CNOT4: variants seen among roughly 807,000 people sequenced by gnomAD.
The protein encoded by CNOT4 is CCR4-NOT transcription complex subunit 4.
In CNOT4, 8 loss-of-function variants were observed where a neutral mutation model predicts 73.8. That is an observed-to-expected ratio of 0.11 (90% CI 0.06 to 0.20). CNOT4 has a LOEUF of 0.20. Among genes scored for constraint, CNOT4 ranks in the 10% least tolerant of loss-of-function variants. CNOT4 has a pLI of 1.00. For synonymous variants in CNOT4, 293 were observed against 321.1 expected (o/e 0.91, Z 0.94); for missense variants, 564 against 883.4 (o/e 0.64, Z 4.58).
chr7:135,439,539 A>G (rs1303258992), intron 1 of CNOT4, among the ~76,000 whole-genome samples: 1 of 152,218 alleles, frequency 6.6e-6, no homozygotes, highest in Non-Finnish European at 1.5e-5. Context: ...CCAAGGCAGG[A>G]GGACTGCTTG....
At chr7:135,434,735 C>T (rs1251477900) in intron 2 of CNOT4, among the ~76,000 whole-genome samples, 1 of 152,214 alleles carries the variant, frequency 6.6e-6, no homozygotes, top group African/African-American at 2.4e-5. Flanking sequence ...CACCTGTCTA[C>T]TCAATATCTC....
At chr7:135,434,099 C>T (rs539710569) in intron 2 of CNOT4, among the ~76,000 whole-genome samples, 16 of 152,308 alleles carry the variant, frequency 1.1e-4, no homozygotes, top group African/African-American at 3.6e-4. Flanking sequence ...TTCAGATCAT[C>T]TCAATATGCC....
chr7:135,505,402 A>G (rs536417752), intron 1 of CNOT4, among the ~76,000 whole-genome samples: 3 of 152,226 alleles, frequency 2.0e-5, no homozygotes, highest in Non-Finnish European at 4.4e-5. Context: ...AAATACAAAA[A>G]TTAGCTGAGT....
chr7:135,388,470 T>A (rs1796234420), intron 10 of CNOT4: 1 of 992,448 alleles, frequency 1.0e-6, no homozygotes, highest in Admixed American at 5.9e-5. Flanking sequence ...TTTGTATAAT[T>A]TTTCAATAAT....
At chr7:135,461,364 A>G (rs1163991113) in intron 1 of CNOT4, among the ~76,000 whole-genome samples, 1 of 152,118 alleles carries the variant, frequency 6.6e-6, no homozygotes, top group Non-Finnish European at 1.5e-5. Context: ...ATAACTTATC[A>G]ACTACTTTTA....
At chr7:135,464,092 A>G (rs1801073519) in intron 1 of CNOT4, among the ~76,000 whole-genome samples, 1 of 151,654 alleles carries the variant, frequency 6.6e-6, no homozygotes, top group Admixed American at 6.6e-5. Flanking sequence ...TGCTGGTGGT[A>G]ATGTAAATTA....
chr7:135,483,142 C>G (rs1802492664), intron 1 of CNOT4, among the ~76,000 whole-genome samples: 1 of 150,866 alleles, frequency 6.6e-6, no homozygotes, highest in South Asian at 2.1e-4. Context: ...TGAGACCAAC[C>G]TGGGTAACAT....
chr7:135,453,825 T>TTTATATATATATA lies in CNOT4; in HGVS notation c.-92-15415_-92-15403dup, dbSNP rs1800335193. Among the ~76,000 whole-genome samples, 7 of 77,342 alleles carry TTTATATATATATA rather than the reference T, an allele frequency of 9.1e-5. 1 individual carries two copies. The East Asian group carries it at 1.6e-3, about 18-fold the overall frequency. The allele number at this position is 77,342 out of a possible 152,430, so 50.7% of individuals were successfully genotyped here. A position where few individuals can be genotyped will look rare whatever the true frequency, so the allele number is the denominator to read the frequency against. The stretch of plus-strand genomic sequence containing the variant: ...AAATATATATAATAAATATATATAT[T>TTTATATATATATA]TTATATATATATATATATATATTAT... On this transcript the variant is annotated intron_variant, in intron 1 of 11. Transcript: ENST00000541284.
At chr7:135,493,573 T>G (rs1407440774) in intron 1 of CNOT4, among the ~76,000 whole-genome samples, 2 of 151,922 alleles carry the variant, frequency 1.3e-5, no homozygotes, top group African/African-American at 4.8e-5. Context: ...TGAAGAGGAT[T>G]GAAAAAAATA....
intron 10 of CNOT4, among the ~76,000 whole-genome samples, chr7:135,372,544 TTTGCTACCATG>T (rs1795268931): frequency 6.6e-6 from 1 of 151,044 alleles, no homozygotes; most frequent in South Asian, 2.1e-4. Context: ...ACCCTGAACG[TTTGCTACCATG>T]TTTTTTTTTT....
At chr7:135,384,335 A>T in intron 10 of CNOT4, 1 of 204,318 alleles carries the variant, frequency 4.9e-6, no homozygotes, top group South Asian at 9.5e-5. Context: ...CCCAGGCTGG[A>T]GCACAGTGGC....
At chr7:135,429,515 AT>A (rs924874432) in intron 2 of CNOT4, among the ~76,000 whole-genome samples, 2 of 152,168 alleles carry the variant, frequency 1.3e-5, no homozygotes, top group African/African-American at 4.8e-5. Context: ...TCAGTTTTAG[AT>A]ATCATCACAT....
At chr7:135,395,562 T>G in intron 9 of CNOT4, 72 bp downstream of exon 9, 1 of 1,464,786 alleles carries the variant, frequency 6.8e-7, no homozygotes, top group Non-Finnish European at 9.2e-7. Context: ...TATCCACTAA[T>G]GAGTTTCATG....
intron 1 of CNOT4, 167 bp downstream of exon 1, chr7:135,509,722 G>C (rs1223208976): frequency 3.7e-6 from 1 of 273,500 alleles, no homozygotes; most frequent in Non-Finnish European, 6.8e-6. Context: ...AAAGGGGAGA[G>C]GGAGGAAGAG....
intron 1 of CNOT4, among the ~76,000 whole-genome samples, chr7:135,481,464 A>G (rs1449972128): frequency 6.6e-6 from 1 of 152,212 alleles, no homozygotes; most frequent in Non-Finnish European, 1.5e-5. Flanking sequence ...GCAAGCATGC[A>G]GAGAAAAAGA....
rs779622907 is a variant in CNOT4, at chr7:135,363,063, T to G, written c.1964A>C (p.His655Pro). 7.4e-6 allele frequency: 12 copies of G among 1,613,846 alleles called. No individual in the cohort carries two copies. The South Asian group carries it at 1.1e-4, about 15-fold the overall frequency. ...DGPSAAPSQT[H>P]HSAPFSTQIP... ...CTGTGTGCTGAAGGGGGCGCTGTGG[T>G]GGGTCTGTGATGGAGCAGCGCTGGG... Residue 655 changes from histidine (H) to proline (P), a missense_variant, in exon 12 of 12, where the codon CAC (histidine) becomes CCC (proline). Physicochemically the swap from His to Pro is moderately conservative, Grantham distance 77. Transcript: ENST00000541284. This position sits in a 1 kb window ranked among gnomAD's most constrained non-coding sequence, Gnocchi z 4.3.
At chr7:135,390,048 C>T (rs73158924) in intron 10 of CNOT4, among the ~76,000 whole-genome samples, 6,810 of 152,100 alleles carry the variant, frequency 0.045, 231 homozygotes, top group Non-Finnish European at 0.063. Context: ...TCTATCAAGT[C>T]GATACACTTT....
chr7:135,445,055 TAATC>T (rs1799737146), intron 1 of CNOT4: 1 of 778,478 alleles, frequency 1.3e-6, no homozygotes, highest in Non-Finnish European at 2.3e-6. Flanking sequence ...CTTCTTCTCT[TAATC>T]ACAAGGTTAT....
intron 1 of CNOT4, among the ~76,000 whole-genome samples, chr7:135,505,317 G>C (rs867152403): frequency 6.6e-6 from 1 of 152,136 alleles, no homozygotes; most frequent in Non-Finnish European, 1.5e-5. Context: ...CACTTTGGGA[G>C]GCTAAGGCGG....
Sources: allele counts gnomAD v4.1 joint callset (sites outside exome capture counted in the v4.1 genomes callset), GRCh38; gene constraint gnomAD v4.1.1; non-coding constraint Gnocchi (gnomAD v3.1); transcripts MANE v1.5; gene names NCBI Gene and HGNC (gene_info 2026-07-23, HGNC 2026-07-21).